Variants in CPNE8 observed in about 807,000 individuals in gnomAD.
CPNE8 encodes the protein copine-8.
In CPNE8, 45 loss-of-function variants were observed where a neutral mutation model predicts 81.5. The ratio of observed to expected loss-of-function variants is 0.55; its 90% confidence interval spans 0.44 to 0.71. The LOEUF is 0.71. Among genes scored for constraint, CPNE8 ranks in the 30% least tolerant of loss-of-function variants. The pLI, the probability that CPNE8 is intolerant of heterozygous loss-of-function variation, is 0.00. For missense variants in CPNE8, 594 were observed against 672.1 expected (o/e 0.88, Z 1.28); for synonymous variants, 252 against 226.3 (o/e 1.11, Z -1.02).
chr12:38,906,539 T>C (rs543852116), upstream of CPNE8: 662 of 985,664 alleles, frequency 6.7e-4, no homozygotes, highest in Non-Finnish European at 7.6e-4. Context: ...GTCACAACCA[T>C]ATAACGCAGC....
At chr12:38,658,975 G>A (rs1198811071) in intron 19 of CPNE8, among the ~76,000 whole-genome samples, 1 of 152,156 alleles carries the variant, frequency 6.6e-6, no homozygotes, top group African/African-American at 2.4e-5. Context: ...TCAATGCTAT[G>A]AAGAAACTGC....
intron 6 of CPNE8, among the ~76,000 whole-genome samples, chr12:38,786,029 TAAG>T (rs1942177668): frequency 6.7e-6 from 1 of 150,308 alleles, no homozygotes. Context: ...AGAAAAAAAA[TAAG>T]AAAATGACAG....
At position 38,867,305 on chromosome 12, in the gene CPNE8, A is replaced by AGTGTGTGTGTGT. The variant is rs35874005; in HGVS notation, c.186+5687_186+5698dup. Among the ~76,000 whole-genome samples, 1,160 of 133,112 alleles carry AGTGTGTGTGTGT rather than the reference A, an allele frequency of 8.7e-3. 22 individuals carry two copies. The highest frequency in any genetic ancestry group is 0.031 in the African/African-American group (1,086 of 35,530). The allele number at this position is 133,112 out of a possible 152,430, so 87.3% of individuals were successfully genotyped here. On this transcript the variant is annotated intron_variant, in intron 3 of 19. Coordinates refer to ENST00000331366, the MANE Select transcript of CPNE8 (RefSeq NM_153634.3). ...GTCCTTGATGTTTGTTGAATAGTAT[A>AGTGTGTGTGTGT]GTGTGTGTGTGTGTGTGTGTGTGTG...
chr12:38,791,651 T>C (rs1942326763), intron 6 of CPNE8, among the ~76,000 whole-genome samples: 1 of 151,530 alleles, frequency 6.6e-6, no homozygotes, highest in Admixed American at 6.6e-5. Context: ...ATATGAGACT[T>C]CAATACCACA....
chr12:38,845,695 T>C (rs190805878), intron 4 of CPNE8, among the ~76,000 whole-genome samples: 7 of 152,110 alleles, frequency 4.6e-5, no homozygotes, highest in African/African-American at 1.7e-4. Flanking sequence ...ATAATGATGA[T>C]AATAATAATA....
At chr12:38,660,607 T>C (rs552274535) in intron 19 of CPNE8, among the ~76,000 whole-genome samples, 1 of 152,162 alleles carries the variant, frequency 6.6e-6, no homozygotes, top group Admixed American at 6.5e-5. Flanking sequence ...CAAGCCAAAA[T>C]TGACAAATGG....
intron 8 of CPNE8, among the ~76,000 whole-genome samples, chr12:38,763,453 C>T (rs1245253416): frequency 1.3e-5 from 2 of 152,140 alleles, no homozygotes; most frequent in Non-Finnish European, 2.9e-5. Flanking sequence ...CCCAAGGGCC[C>T]ATTTAAGTTT....
At chr12:38,900,179 G>A (rs917610814) in intron 1 of CPNE8, among the ~76,000 whole-genome samples, 6 of 149,820 alleles carry the variant, frequency 4.0e-5, no homozygotes, top group African/African-American at 1.5e-4. Context: ...CCCTAGTAGG[G>A]TGGGTTTTAC....
intron 6 of CPNE8, among the ~76,000 whole-genome samples, chr12:38,810,479 C>T (rs900432658): frequency 1.3e-5 from 2 of 152,094 alleles, no homozygotes; most frequent in South Asian, 2.1e-4. Flanking sequence ...TGAGAGTCTT[C>T]GGCCATTTGG....
intron 13 of CPNE8, among the ~76,000 whole-genome samples, chr12:38,722,531 T>C (rs1940591749): frequency 6.6e-6 from 1 of 152,136 alleles, no homozygotes; most frequent in Admixed American, 6.5e-5. Flanking sequence ...ATTCTATCAG[T>C]GTCTTTATGG....
At chr12:38,863,878 C>T (rs1171579561) in intron 3 of CPNE8, among the ~76,000 whole-genome samples, 5 of 151,682 alleles carry the variant, frequency 3.3e-5, no homozygotes, top group Non-Finnish European at 5.9e-5. Flanking sequence ...GGTGAAACCC[C>T]GTCTCTACTA....
At chr12:38,678,560 T>A (rs1939341172) in intron 16 of CPNE8, among the ~76,000 whole-genome samples, 1 of 151,926 alleles carries the variant, frequency 6.6e-6, no homozygotes, top group Non-Finnish European at 1.5e-5. Flanking sequence ...AAAATTCCTT[T>A]ACAATCTTAA....
chr12:38,880,746 T>G (rs1944140765), intron 1 of CPNE8, among the ~76,000 whole-genome samples: 1 of 152,148 alleles, frequency 6.6e-6, no homozygotes, highest in Non-Finnish European at 1.5e-5. Context: ...TGGAAGTGAT[T>G]TAAATGCAAT....
At chr12:38,800,983 G>T (rs1942648677) in intron 6 of CPNE8, among the ~76,000 whole-genome samples, 1 of 149,760 alleles carries the variant, frequency 6.7e-6, no homozygotes, top group African/African-American at 2.5e-5. Flanking sequence ...AATGAGCAAA[G>T]CCTCCAAGAA....
At chr12:38,681,048 T>C (rs1258548461) in intron 16 of CPNE8, among the ~76,000 whole-genome samples, 3 of 151,962 alleles carry the variant, frequency 2.0e-5, no homozygotes, top group African/African-American at 4.8e-5. Context: ...ATAATGAATA[T>C]ATTTAAATCG....
chr12:38,893,029 T>A (rs79634304), intron 1 of CPNE8, among the ~76,000 whole-genome samples: 8,077 of 152,150 alleles, frequency 0.053, 683 homozygotes, highest in African/African-American at 0.18. Context: ...CTTAGACACT[T>A]GAATTAGAGC....
At chr12:38,799,269 A>T (rs1314979377) in intron 6 of CPNE8, among the ~76,000 whole-genome samples, 1 of 152,106 alleles carries the variant, frequency 6.6e-6, no homozygotes, top group African/African-American at 2.4e-5. Context: ...CACCACACCT[A>T]TTCCAAAATT....
rs753185329 is a variant in CPNE8, at chr12:38,670,748, G to C, written c.1487C>G (p.Ala496Gly). The C allele has an allele frequency of 5.6e-6, 9 of 1,607,682 alleles. No individual in the cohort carries two copies. The highest frequency in any genetic ancestry group is 6.8e-6 in the Non-Finnish European group (8 of 1,176,070). Residue 496 changes from alanine to glycine, a missense_variant, in exon 19 of 20, where the codon GCT (alanine) becomes GGT (glycine). Coordinates refer to ENST00000331366, the MANE Select transcript of CPNE8 (RefSeq NM_153634.3). ...DVRVSSRGKY[A>G]ERDIVQFVPF... is the part of the protein sequence containing the mutation. ...TCTTACCTGCACAATGTCTCTTTCA[G>C]CATATTTTCCTCTAGAGGAGACTCT...
At chr12:38,885,747 C>T (rs1944229043) in intron 1 of CPNE8, among the ~76,000 whole-genome samples, 1 of 151,990 alleles carries the variant, frequency 6.6e-6, no homozygotes, top group Non-Finnish European at 1.5e-5. Flanking sequence ...AATTGTAATC[C>T]TCAATGTTGG....
Sources: allele counts gnomAD v4.1 joint callset (sites outside exome capture counted in the v4.1 genomes callset), GRCh38; gene constraint gnomAD v4.1.1; transcripts MANE v1.5; gene names NCBI Gene and HGNC (gene_info 2026-07-23, HGNC 2026-07-21).